The following BICD1 variants were observed in gnomAD, a reference collection of about 807,000 sequenced individuals.
The protein encoded by BICD1 is protein bicaudal D homolog 1.
A neutral mutation model predicts 92.5 loss-of-function variants in BICD1; 35 were observed. The observed-to-expected ratio is 0.38, with a 90% CI of 0.29 to 0.50. The LOEUF (loss-of-function observed/expected upper bound fraction) is 0.50, where lower values mean the gene tolerates loss of function less well. BICD1 is among the 20% of genes least tolerant of loss of function. The probability of loss-of-function intolerance (pLI) is 0.93; values close to 1 mark genes in which losing one functional copy is unlikely to be tolerated. For synonymous variants in BICD1, 429 were observed against 465.1 expected (o/e 0.92, Z 1.00); for missense variants, 950 against 1,189.8 (o/e 0.80, Z 2.97).
At chr12:32,125,272 C>G (rs984732972) in intron 1 of BICD1, among the ~76,000 whole-genome samples, 3 of 152,114 alleles carry the variant, frequency 2.0e-5, no homozygotes, top group Admixed American at 6.5e-5. Context: ...AATGGTTGAT[C>G]AGACCCTTGA....
chr12:32,129,980 TACAA>T (rs1485641492), intron 1 of BICD1, among the ~76,000 whole-genome samples: 2 of 152,158 alleles, frequency 1.3e-5, no homozygotes, highest in Admixed American at 1.3e-4. Context: ...GTGGATGACT[TACAA>T]ACAATTATTA....
chr12:32,284,815 T>C (rs1042305206), intron 2 of BICD1, among the ~76,000 whole-genome samples: 8 of 152,210 alleles, frequency 5.3e-5, no homozygotes, highest in Non-Finnish European at 8.8e-5. Context: ...ACAGCCTAGT[T>C]AAGAACTTTA....
chr12:32,307,120 C>A (rs1948251272), intron 4 of BICD1, among the ~76,000 whole-genome samples: 1 of 152,068 alleles, frequency 6.6e-6, no homozygotes. Context: ...GGAAACCATG[C>A]AGTTTTTCAT....
At chr12:32,362,645 C>G (rs1344136164) in intron 8 of BICD1, among the ~76,000 whole-genome samples, 1 of 152,128 alleles carries the variant, frequency 6.6e-6, no homozygotes, top group Non-Finnish European at 1.5e-5. Context: ...CTAGAGGTAG[C>G]TGGTGTCAAT....
chr12:32,342,204 G>GTATATATACA (rs1938404648), intron 8 of BICD1, among the ~76,000 whole-genome samples: 1 of 119,302 alleles, frequency 8.4e-6, no homozygotes, highest in Non-Finnish European at 1.7e-5. Flanking sequence ...GTGTGTGTGT[G>GTATATATACA]TATATATATA....
At chr12:32,344,440 G>A (rs117333719) in intron 8 of BICD1, among the ~76,000 whole-genome samples, 231 of 152,232 alleles carry the variant, frequency 1.5e-3, no homozygotes, top group East Asian at 0.014. Context: ...TTTAAGAATA[G>A]GATCAGATTT....
At chr12:32,247,641 T>C (rs1465902179) in intron 2 of BICD1, among the ~76,000 whole-genome samples, 3 of 150,650 alleles carry the variant, frequency 2.0e-5, no homozygotes, top group Non-Finnish European at 4.4e-5. Flanking sequence ...TAGCTGGGTG[T>C]GGTGGTGCAC....
chr12:32,187,962 G>A (rs922812980), intron 1 of BICD1, among the ~76,000 whole-genome samples: 3 of 149,660 alleles, frequency 2.0e-5, no homozygotes, highest in Non-Finnish European at 4.4e-5. Flanking sequence ...TTTTTTAGAC[G>A]GAGTCTCGCT....
In BICD1 at chr12:32,379,752, C is replaced by G. The variant is rs888009713; in HGVS notation, c.*2125C>G. The stretch of plus-strand genomic sequence containing the variant: ...GACTTTTAATAAAAAACTGTTTGTG[C>G]CTGAGGGAAATATATGCCTTTTTAA... On this transcript the variant is annotated 3_prime_UTR_variant, in exon 10 of 10. Coordinates refer to ENST00000652176, the MANE Select transcript of BICD1 (RefSeq NM_001714.4). The G allele has an allele frequency of 1.3e-5, 2 of 152,164 alleles. No individual in the cohort carries two copies. The highest frequency in any genetic ancestry group is 4.8e-5 in the African/African-American group (2 of 41,432). The allele number at this position is 152,164 out of a possible 1,614,324, so 9.4% of individuals were successfully genotyped here. A position where few individuals can be genotyped will look rare whatever the true frequency, so the allele number is the denominator to read the frequency against.
At chr12:32,355,423 C>T (rs1289924181) in intron 8 of BICD1, among the ~76,000 whole-genome samples, 3 of 152,126 alleles carry the variant, frequency 2.0e-5, no homozygotes, top group South Asian at 4.1e-4. Context: ...AAGGCAGGGT[C>T]CTGCCTGCTC....
chr12:32,215,350 A>AC (rs141428045), intron 1 of BICD1, among the ~76,000 whole-genome samples: 2,810 of 152,234 alleles, frequency 0.018, 75 homozygotes, highest in African/African-American at 0.064. Flanking sequence ...TTTAGTTTCT[A>AC]CTTTTTTCTT....
rs1192062870 is a variant in BICD1 at position 32,308,965 on chromosome 12, A to T, written c.1005+2843A>T. Among the ~76,000 whole-genome samples the T allele has an allele frequency of 2.6e-5, 4 of 151,600 alleles. No individual in the cohort carries two copies. In the East Asian group the frequency reaches 7.7e-4, roughly 29 times the overall value. ...CTCATACTAACAACACTAACTGTAA[A>T]TTTTTTTTTAGGTAGAATATCCATT... On this transcript the variant is annotated intron_variant, in intron 4 of 9. Transcript: ENST00000652176.
chr12:32,207,213 C>T (rs1945083805), intron 1 of BICD1, among the ~76,000 whole-genome samples: 1 of 137,428 alleles, frequency 7.3e-6, no homozygotes, highest in African/African-American at 2.7e-5. Flanking sequence ...ATTTTTTGTG[C>T]ATATTCAATA....
chr12:32,376,251 T>A (rs951155141), intron 9 of BICD1, among the ~76,000 whole-genome samples: 2 of 149,366 alleles, frequency 1.3e-5, no homozygotes, highest in African/African-American at 4.9e-5. Context: ...ACCCAGCTAA[T>A]TTTTTTTTTG....
chr12:32,333,129 G>C (rs1360654358), intron 5 of BICD1: 1 of 984,162 alleles, frequency 1.0e-6, no homozygotes, highest in Admixed American at 6.1e-5. Context: ...GATTCTATGT[G>C]CTTACAAATT....
intron 2 of BICD1, among the ~76,000 whole-genome samples, chr12:32,264,763 A>G (rs909354045): frequency 6.6e-6 from 1 of 152,238 alleles, no homozygotes. Context: ...TGCTGGGATT[A>G]CAGGTGTGAG....
At chr12:32,234,851 A>G (rs532896181) in intron 2 of BICD1, among the ~76,000 whole-genome samples, 1 of 151,450 alleles carries the variant, frequency 6.6e-6, no homozygotes, top group East Asian at 2.0e-4. Flanking sequence ...CACCTGAATA[A>G]TTTTTATATT....
At chr12:32,143,268 A>G (rs1378888307) in intron 1 of BICD1, among the ~76,000 whole-genome samples, 2 of 152,166 alleles carry the variant, frequency 1.3e-5, no homozygotes, top group African/African-American at 2.4e-5. Context: ...CACAATCTCC[A>G]TTTGTGCCCT....
chr12:32,233,576 A>G (rs1486780811), intron 2 of BICD1, among the ~76,000 whole-genome samples: 1 of 118,336 alleles, frequency 8.5e-6, no homozygotes, highest in East Asian at 2.4e-4. Context: ...CCCCTTTCCT[A>G]TCTTCTGAGT....
Sources: allele counts gnomAD v4.1 joint callset (sites outside exome capture counted in the v4.1 genomes callset), GRCh38; gene constraint gnomAD v4.1.1; transcripts MANE v1.5; gene names NCBI Gene and HGNC (gene_info 2026-07-23, HGNC 2026-07-21).